The following SMCO2 variants were observed in gnomAD, a reference collection of about 807,000 sequenced individuals.
SMCO2 encodes single-pass membrane protein with coiled-coil domains 2, also known as single-pass membrane and coiled-coil domain-containing protein 2.
In SMCO2, 25 loss-of-function variants were observed where a neutral mutation model predicts 29.5. That is an observed-to-expected ratio of 0.85 (90% confidence interval 0.62 to 1.18). The LOEUF (loss-of-function observed/expected upper bound fraction) is 1.18, where lower values mean the gene tolerates loss of function less well. Ranked by LOEUF, SMCO2 falls within the 50% of genes most tolerant of loss-of-function variation. The pLI is 0.00. For synonymous variants in SMCO2, 117 were observed against 123.3 expected, an observed-to-expected ratio of 0.95 and a Z score of 0.34; for missense variants, 348 against 344.5, an observed-to-expected ratio of 1.01 and a Z score of -0.08.
At chr12:27,433,630 T>C in the SMCO2 span, among the ~76,000 whole-genome samples, 1 of 152,102 alleles carries the variant, frequency 6.6e-6, no homozygotes, top group Non-Finnish European at 1.5e-5. Flanking sequence ...TTAGTGATTA[T>C]TTTAAACTAT....
chr12:27,494,232 G>T (rs1942968344), intron 5 of SMCO2, 68 bp from the exon 7 acceptor site: 2 of 1,025,540 alleles, frequency 2.0e-6, no homozygotes, highest in East Asian at 3.3e-5. Flanking sequence ...CAAAATAAGT[G>T]AGATTTTATT....
chr12:27,497,389 G>T, intron 7 of SMCO2: 1 of 219,462 alleles, frequency 4.6e-6, no homozygotes, highest in South Asian at 8.3e-5. Context: ...TTGTGCAAGT[G>T]GATGATGGCA....
the SMCO2 span, among the ~76,000 whole-genome samples, chr12:27,437,513 G>A: frequency 6.6e-6 from 1 of 151,988 alleles, no homozygotes; most frequent in Non-Finnish European, 1.5e-5. Context: ...CAAAAAAGTA[G>A]CAACTCACCT....
At chr12:27,433,377 T>C in the SMCO2 span, among the ~76,000 whole-genome samples, 6 of 152,176 alleles carry the variant, frequency 3.9e-5, no homozygotes, top group Non-Finnish European at 7.3e-5. Context: ...TCCTCAGCTA[T>C]GGAAACAATC....
the SMCO2 span, among the ~76,000 whole-genome samples, chr12:27,434,809 C>T: frequency 1.3e-5 from 2 of 152,056 alleles, no homozygotes; most frequent in African/African-American, 4.8e-5. Flanking sequence ...AATAAGAGGG[C>T]ATGTTTGCTC....
At chr12:27,439,847 GA>G in the SMCO2 span, among the ~76,000 whole-genome samples, 1 of 151,946 alleles carries the variant, frequency 6.6e-6, no homozygotes, top group Non-Finnish European at 1.5e-5. Context: ...ACAAGATATA[GA>G]AAAAAACTTC....
chr12:27,434,747 C>T, the SMCO2 span, among the ~76,000 whole-genome samples: 4 of 152,062 alleles, frequency 2.6e-5, no homozygotes, highest in African/African-American at 9.7e-5. Flanking sequence ...TGGAAATAGT[C>T]CAAACTTATA....
At chr12:27,436,653 T>C in the SMCO2 span, among the ~76,000 whole-genome samples, 1 of 152,106 alleles carries the variant, frequency 6.6e-6, no homozygotes, top group Admixed American at 6.6e-5. Context: ...AGTAATGAGA[T>C]GGATCAAGTA....
chr12:27,473,220 C>T lies in SMCO2; in HGVS notation c.234+345C>T, dbSNP rs562177498. The T allele has an allele frequency of 9.0e-4, 204 of 227,688 alleles. 1 individual carries two copies. The highest frequency in any genetic ancestry group is 6.3e-3 in the Middle Eastern group (4 of 636). 14.1% of individuals were successfully genotyped at this position (227,688 alleles called of 1,614,324 possible). A position where few individuals can be genotyped will look rare whatever the true frequency, so the allele number is the denominator to read the frequency against. ...ATGACCAAATCACCATATGACCATACCCCCTCCTCACAGATTATCTTCCAG... is the reference window on the plus strand; with the variant it reads ...ATGACCAAATCACCATATGACCATATCCCCTCCTCACAGATTATCTTCCAG... On this transcript the variant is annotated intron_variant, in intron 3 of 7. Coordinates refer to ENST00000298876, the Ensembl canonical transcript of SMCO2.
chr12:27,446,745 C>T, the SMCO2 span: 1 of 152,174 alleles, frequency 6.6e-6, no homozygotes, highest in South Asian at 2.1e-4. Flanking sequence ...CAGTGGTTCT[C>T]AAACATTAGC....
chr12:27,436,820 G>A, the SMCO2 span, among the ~76,000 whole-genome samples: 2 of 152,098 alleles, frequency 1.3e-5, no homozygotes, highest in Non-Finnish European at 2.9e-5. Context: ...AGATACATAG[G>A]GCATGACAGT....
At chr12:27,426,777 C>G in the SMCO2 span, among the ~76,000 whole-genome samples, 1 of 152,206 alleles carries the variant, frequency 6.6e-6, no homozygotes, top group East Asian at 1.9e-4. Flanking sequence ...AAATTCATAA[C>G]CAATGGGAAA....
At chr12:27,475,052 G>C in intron 4 of SMCO2, 139 bp downstream of exon 4, 1 of 975,168 alleles carries the variant, frequency 1.0e-6, no homozygotes, top group Non-Finnish European at 1.5e-6. Context: ...CTGTGCATAG[G>C]TAACTACCTA....
At chr12:27,479,560 T>C (rs1949622506) in intron 4 of SMCO2, among the ~76,000 whole-genome samples, 1 of 152,198 alleles carries the variant, frequency 6.6e-6, no homozygotes, top group Non-Finnish European at 1.5e-5. Flanking sequence ...GACATGGTGA[T>C]ATGGTTTGGC....
At chr12:27,496,672 C>G (rs1943007880) in intron 7 of SMCO2, among the ~76,000 whole-genome samples, 1 of 150,594 alleles carries the variant, frequency 6.6e-6, no homozygotes, top group African/African-American at 2.5e-5. Context: ...CTCCAACCAC[C>G]AACCCAGGTA....
At chr12:27,474,139 T>TATAA (rs1862487512) in intron 3 of SMCO2, among the ~76,000 whole-genome samples, 1 of 152,208 alleles carries the variant, frequency 6.6e-6, no homozygotes, top group South Asian at 2.1e-4. Flanking sequence ...TCTTTGTGTA[T>TATAA]ATAAATAGAT....
exon 2 of SMCO2, chr12:27,470,761 C>G (rs1224147647): frequency 1.3e-6 from 2 of 1,550,316 alleles, no homozygotes; most frequent in Non-Finnish European, 1.7e-6. Context: ...AGGTGCAATG[C>G]AGGAGTAAGT....
chr12:27,455,543 G>T, the SMCO2 span, among the ~76,000 whole-genome samples: 1 of 152,144 alleles, frequency 6.6e-6, no homozygotes, highest in Non-Finnish European at 1.5e-5. Context: ...ATTAAAACCT[G>T]CATGCTGTGG....
the SMCO2 span, among the ~76,000 whole-genome samples, chr12:27,452,663 A>AT: frequency 6.6e-6 from 1 of 152,006 alleles, no homozygotes; most frequent in East Asian, 1.9e-4. Context: ...CTAATGTTTT[A>AT]TTTTTTGTAG....
Sources: allele counts gnomAD v4.1 joint callset (sites outside exome capture counted in the v4.1 genomes callset), GRCh38; gene constraint gnomAD v4.1.1; transcripts MANE v1.5; gene names NCBI Gene and HGNC (gene_info 2026-07-23, HGNC 2026-07-21).